Variants in ALG1L2 observed in about 807,000 individuals in gnomAD.
The protein encoded by ALG1L2 is putative glycosyltransferase ALG1L2.
A neutral mutation model predicts 29.0 loss-of-function variants in ALG1L2; 32 were observed. The ratio of observed to expected loss-of-function variants is 1.10; its 90% CI spans 0.83 to 1.48. The LOEUF is 1.48. Among genes scored for constraint, ALG1L2 ranks in the 40% most tolerant of loss-of-function variants. The pLI, the probability that ALG1L2 is intolerant of heterozygous loss-of-function variation, is 0.00. For missense variants in ALG1L2, 318 were observed against 274.1 expected, an observed-to-expected ratio of 1.16 and a Z score of -1.13; for synonymous variants, 110 against 109.5, an observed-to-expected ratio of 1.00 and a Z score of -0.03.
rs903381834 is a variant in ALG1L2 at position 130,094,632 on chromosome 3, G to A, written c.424+119G>A. On this transcript the variant is annotated intron_variant, in intron 5 of 7. Coordinates refer to ENST00000425059, the MANE Select transcript of ALG1L2 (RefSeq NM_001136152.1). ...TGGAGGCCACTTGGGGACAGGACCTGGGCTCTAGCTGAACTCCCGGGAGAA... is the reference window on the plus strand; with the variant it reads ...TGGAGGCCACTTGGGGACAGGACCTAGGCTCTAGCTGAACTCCCGGGAGAA... 5 of 1,150,980 alleles carry A rather than the reference G, an allele frequency of 4.3e-6. No individual in the cohort carries two copies. In the African/African-American group the frequency reaches 7.7e-5, roughly 18 times the overall value. 71.3% of individuals were successfully genotyped at this position (1,150,980 alleles called of 1,614,324 possible).
intron 1 of ALG1L2, among the ~76,000 whole-genome samples, chr3:130,088,825 CT>C (rs1485806183): frequency 6.6e-6 from 1 of 152,302 alleles, no homozygotes; most frequent in Non-Finnish European, 1.5e-5. Flanking sequence ...ATCATGAGGC[CT>C]CCCCAGTCAT....
rs1430059259 is a variant in ALG1L2, at chr3:130,083,482, G to T, written c.20+1446G>T. Reference sequence around the variant, plus strand: ...AACAAACAAACAAACAAAAACAGATGAATTAGTTTCCTGCAACGTCTCACT... The same window carrying T: ...AACAAACAAACAAACAAAAACAGATTAATTAGTTTCCTGCAACGTCTCACT... On this transcript the variant is annotated intron_variant, in intron 1 of 7. Coordinates refer to ENST00000425059, the MANE Select transcript of ALG1L2 (RefSeq NM_001136152.1). Among the ~76,000 whole-genome samples the T allele has an allele frequency of 2.3e-5, 3 of 128,978 alleles. 1 individual carries two copies. The allele number at this position is 128,978 out of a possible 152,430, so 84.6% of individuals were successfully genotyped here.
intron 1 of ALG1L2, 189 bp from the exon 2 acceptor site, chr3:130,091,072 T>C: frequency 1.7e-6 from 1 of 602,062 alleles, no homozygotes. Flanking sequence ...TTCCAGTTTG[T>C]AAAAAGCCCC....
chr3:130,082,156 A>G (rs1384896742), intron 1 of ALG1L2, 120 bp downstream of exon 1: 2 of 1,252,834 alleles, frequency 1.6e-6, no homozygotes, highest in East Asian at 5.1e-5. Context: ...CCGGAGTAGA[A>G]ATGAGGAAGG....
intron 1 of ALG1L2, among the ~76,000 whole-genome samples, chr3:130,087,241 T>C (rs1366396084): frequency 6.6e-6 from 1 of 150,692 alleles, no homozygotes; most frequent in Non-Finnish European, 1.5e-5. Context: ...ACCATTGCTG[T>C]GATAGTCCCA....
Position 130,090,281 on chromosome 3 carries a change from G to A in ALG1L2, c.21-980G>A, listed in dbSNP as rs746313207. On this transcript the variant is annotated intron_variant, in intron 1 of 7. Coordinates refer to ENST00000425059, the MANE Select transcript of ALG1L2 (RefSeq NM_001136152.1). ...TGAGGCAGGAGAATCACTTGAACCC[G>A]GGAGGCAAGGTCGCAGTGAGCTGAG... Among the ~76,000 whole-genome samples the A allele has an allele frequency of 7.9e-5, 12 of 152,282 alleles. No homozygotes were observed. In the East Asian group the frequency reaches 1.3e-3, roughly 17 times the overall value.
At chr3:130,084,076 CA>C (rs1212579096) in intron 1 of ALG1L2, among the ~76,000 whole-genome samples, 1 of 150,758 alleles carries the variant, frequency 6.6e-6, no homozygotes, top group Non-Finnish European at 1.5e-5. Context: ...GGGCGAGCAG[CA>C]ATTCATCAGC....
At chr3:130,086,079 A>C (rs187775768) in intron 1 of ALG1L2, among the ~76,000 whole-genome samples, 82 of 151,702 alleles carry the variant, frequency 5.4e-4, no homozygotes, top group African/African-American at 1.9e-3. Flanking sequence ...GGTGGACAGA[A>C]ATCACCACGA....
At chr3:130,088,071 C>T (rs1438976819) in intron 1 of ALG1L2, among the ~76,000 whole-genome samples, 3 of 152,286 alleles carry the variant, frequency 2.0e-5, no homozygotes, top group Non-Finnish European at 4.4e-5. Context: ...ATCTTGGGGG[C>T]CACATGGTGA....
At position 130,096,142 on chromosome 3, in the gene ALG1L2, C is replaced by A. The variant is rs187024060; in HGVS notation, c.518C>A (p.Ala173Glu). The A allele has an allele frequency of 6.2e-7, 1 of 1,611,028 alleles. No homozygotes were observed. The highest frequency in any genetic ancestry group is 1.3e-5 in the African/African-American group (1 of 74,974). The change falls in exon 6 of 8, where the codon GCG becomes GAG. Residue 173 changes from alanine (A) to glutamate (E), a missense_variant. Ala to Glu is a moderately radical substitution (Grantham distance 107). Transcript: ENST00000425059. ...VVDMFRCCLP[A>E]CAVNFKCLHE... ...GACATGTTCAGGTGCTGTTTGCCTG[C>A]GTGTGCCGTGAACTTCAAGTGGTAG...
At chr3:130,097,460 C>A (rs1424046029) in intron 7 of ALG1L2, among the ~76,000 whole-genome samples, 1 of 152,208 alleles carries the variant, frequency 6.6e-6, no homozygotes, top group African/African-American at 2.4e-5. Flanking sequence ...ACAACCCCAC[C>A]TGCCCTCTAG....
chr3:130,091,489 C>G, intron 2 of ALG1L2, 118 bp downstream of exon 2: 1 of 1,072,992 alleles, frequency 9.3e-7, no homozygotes, highest in Non-Finnish European at 1.4e-6. Context: ...AGGCTACAGG[C>G]CAGTCTCCTG....
At position 130,092,189 on chromosome 3, in the gene ALG1L2, C is replaced by T. The variant is rs781024262; in HGVS notation, c.220C>T (p.Pro74Ser). The T allele has an allele frequency of 1.9e-6, 3 of 1,612,108 alleles. No individual in the cohort carries two copies. Among genetic ancestry groups the T allele is most frequent in the Non-Finnish European group, 1.7e-6 (2 of 1,179,490 alleles). The change falls in exon 3 of 8, where the codon CCA becomes TCA. Residue 74 changes from proline (P) to serine (S), a missense_variant. Coordinates refer to ENST00000425059, the MANE Select transcript of ALG1L2 (RefSeq NM_001136152.1). Reference sequence around the variant, plus strand: ...GCTGGTGACGCGTCTCCACGAGCGGCCAGCCCTGCTGGTCAGCAGCACAAG... The same window carrying T: ...GCTGGTGACGCGTCTCCACGAGCGGTCAGCCCTGCTGGTCAGCAGCACAAG... ...SGLVTRLHER[P>S]ALLVSSTSWT...
rs1228939543 is a variant in ALG1L2, at chr3:130,094,557, G to T, written c.424+44G>T. 16 of 1,417,708 alleles carry T rather than the reference G, an allele frequency of 1.1e-5. No homozygotes were observed. The African/African-American group carries it at 2.1e-4, about 19-fold the overall frequency. The allele number at this position is 1,417,708 out of a possible 1,614,324, so 87.8% of individuals were successfully genotyped here. The stretch of plus-strand genomic sequence containing the variant: ...GCTCAGGGAGGAGGCGGGGCCTTAT[G>T]CAGGGGGAACAGGGGTGGGCGGGGT... On this transcript the variant is annotated intron_variant, in intron 5 of 7. Coordinates refer to ENST00000425059, the MANE Select transcript of ALG1L2 (RefSeq NM_001136152.1).
chr3:130,092,497 G>A (rs1300416512), intron 3 of ALG1L2, among the ~76,000 whole-genome samples: 1 of 152,228 alleles, frequency 6.6e-6, no homozygotes, highest in Non-Finnish European at 1.5e-5. Flanking sequence ...CCACTGAGCT[G>A]TGAGCTGCTT....
At chr3:130,083,303 G>A (rs1357521615) in intron 1 of ALG1L2, among the ~76,000 whole-genome samples, 1 of 132,768 alleles carries the variant, frequency 7.5e-6, no homozygotes, top group Non-Finnish European at 1.7e-5. Context: ...AATTAGGCCG[G>A]TGTGGTGGCA....
In ALG1L2 at chr3:130,094,451, A is replaced by C; in HGVS notation, c.362A>C (p.His121Pro). The C allele has an allele frequency of 6.3e-7, 1 of 1,594,948 alleles. No individual in the cohort carries two copies. The highest frequency in any genetic ancestry group is 2.2e-5 in the East Asian group (1 of 44,780). The part of the protein sequence containing the change: ...EYYSRLIHQK[H>P]FQHIQVCIPW... ...TACAGCCGCCTCATCCACCAGAAGC[A>C]TTTCCAGCACATCCAGGTCTGCATC... The change falls in exon 5 of 8, where the codon CAT becomes CCT. Residue 121 changes from histidine (H) to proline (P), a missense_variant. His to Pro is a moderately conservative substitution (Grantham distance 77). Transcript: ENST00000425059.
intron 7 of ALG1L2, 142 bp from the exon 8 acceptor site, chr3:130,098,081 G>C (rs1191350284): frequency 3.3e-5 from 37 of 1,135,720 alleles, no homozygotes; most frequent in Non-Finnish European, 4.7e-5. Context: ...GCGGAGCGCT[G>C]CTGGGGTGTG....
intron 3 of ALG1L2, among the ~76,000 whole-genome samples, 158 bp downstream of exon 3, chr3:130,092,380 C>T (rs553930395): frequency 1.3e-5 from 2 of 151,858 alleles, no homozygotes; most frequent in African/African-American, 4.9e-5. Context: ...TAGAAACAGG[C>T]CCCTGACATT....
Sources: gnomAD v4.1 joint callset for allele counts (sites outside exome capture counted in the v4.1 genomes callset) on GRCh38, gnomAD v4.1.1 for gene constraint, MANE v1.5 for transcripts, NCBI Gene and HGNC (gene_info 2026-07-23, HGNC 2026-07-21) for gene names.